Variants in CSMD1 observed in about 807,000 individuals in gnomAD.
CSMD1 encodes the protein CUB and sushi domain-containing protein 1.
CSMD1 carries 213 observed loss-of-function variants against 417.5 expected under a neutral mutation model. The ratio of observed to expected loss-of-function variants is 0.51; its 90% CI spans 0.46 to 0.57. CSMD1 has a LOEUF of 0.57. Ranked by LOEUF, CSMD1 falls within the 20% of genes least tolerant of loss-of-function variation. The pLI is 0.00. For synonymous variants in CSMD1, 2,862 were observed against 1,736.8 expected (o/e 1.65, Z -16.11); for missense variants, 6,923 against 4,529.7 (o/e 1.53, Z -15.17).
intron 12 of CSMD1, among the ~76,000 whole-genome samples, chr8:3,433,563 T>C (rs1473339577): frequency 6.6e-6 from 1 of 152,186 alleles, no homozygotes; most frequent in Non-Finnish European, 1.5e-5. Context: ...TAAATTATTT[T>C]CTCATTAAAG....
intron 3 of CSMD1, among the ~76,000 whole-genome samples, chr8:4,295,692 T>C (rs1424312057): frequency 1.4e-5 from 2 of 139,782 alleles, no homozygotes; most frequent in African/African-American, 5.1e-5. Flanking sequence ...ATACATGTTA[T>C]ATATGTTATA....
intron 7 of CSMD1, among the ~76,000 whole-genome samples, chr8:3,673,793 G>A (rs916728862): frequency 1.3e-5 from 2 of 152,114 alleles, no homozygotes; most frequent in Admixed American, 6.5e-5. Context: ...CCTACACTGT[G>A]GGCACTGGAG....
intron 15 of CSMD1, among the ~76,000 whole-genome samples, chr8:3,405,438 G>A (rs1210730922): frequency 1.3e-5 from 2 of 151,998 alleles, no homozygotes; most frequent in African/African-American, 4.8e-5. Flanking sequence ...TATTTATGTC[G>A]GCTGTAACAA....
chr8:4,954,316 G>A (rs527335557), intron 1 of CSMD1, among the ~76,000 whole-genome samples: 1 of 152,228 alleles, frequency 6.6e-6, no homozygotes, highest in African/African-American at 2.4e-5. Context: ...TTAAATAAAG[G>A]AAGCTTGTTA....
chr8:3,146,609 G>T (rs1436193624), intron 40 of CSMD1, among the ~76,000 whole-genome samples: 1 of 152,144 alleles, frequency 6.6e-6, no homozygotes, highest in Non-Finnish European at 1.5e-5. Flanking sequence ...AGCTTATGCT[G>T]CCAACTGCCT....
At chr8:4,630,751 G>A (rs1032656448) in intron 2 of CSMD1, among the ~76,000 whole-genome samples, 1 of 152,096 alleles carries the variant, frequency 6.6e-6, no homozygotes, top group Non-Finnish European at 1.5e-5. Flanking sequence ...TGTTGAACCA[G>A]GTTTCTAAGC....
intron 2 of CSMD1, among the ~76,000 whole-genome samples, chr8:4,450,295 G>A (rs976188856): frequency 6.6e-6 from 1 of 152,188 alleles, no homozygotes; most frequent in Non-Finnish European, 1.5e-5. Flanking sequence ...GCTGTGCACT[G>A]TTTGCTGCAA....
At chr8:3,176,369 C>G (rs1029877055) in intron 37 of CSMD1, among the ~76,000 whole-genome samples, 8 of 151,830 alleles carry the variant, frequency 5.3e-5, no homozygotes, top group Non-Finnish European at 1.0e-4. Flanking sequence ...TGATGAAATC[C>G]ATCACTATAT....
chr8:3,892,349 C>G (rs1199593038), intron 5 of CSMD1, among the ~76,000 whole-genome samples: 1 of 152,070 alleles, frequency 6.6e-6, no homozygotes, highest in Non-Finnish European at 1.5e-5. Context: ...TTCAAGAAGA[C>G]GTGTGGGGAA....
chr8:4,961,799 G>C (rs760584970), intron 1 of CSMD1, among the ~76,000 whole-genome samples: 2 of 151,826 alleles, frequency 1.3e-5, no homozygotes, highest in African/African-American at 2.4e-5. Flanking sequence ...TGTATTGTTT[G>C]ACAAATACTG....
At chr8:3,711,161 G>A (rs1801485361) in intron 6 of CSMD1, among the ~76,000 whole-genome samples, 2 of 152,182 alleles carry the variant, frequency 1.3e-5, no homozygotes, top group South Asian at 4.1e-4. Context: ...AGGGAGAAAC[G>A]AGAGACTGGA....
In CSMD1 at chr8:4,145,367, G is replaced by C. The variant is rs868153452; in HGVS notation, c.416-113268C>G. Among the ~76,000 whole-genome samples, 15 of 150,964 alleles carry C rather than the reference G, an allele frequency of 9.9e-5. 1 individual carries two copies. The highest frequency in any genetic ancestry group is 2.6e-4 in the Admixed American group (4 of 15,220). On this transcript the variant is annotated intron_variant, in intron 3 of 69. Coordinates refer to ENST00000635120, the MANE Select transcript of CSMD1 (RefSeq NM_033225.6). Reference sequence around the variant, plus strand: ...ATATGTCAGAAAGATCTGGAAAAATGTCCCAAACATTATATACTATAGTCT... The same window carrying C: ...ATATGTCAGAAAGATCTGGAAAAATCTCCCAAACATTATATACTATAGTCT...
At chr8:3,357,308 C>A (rs573499981) in intron 21 of CSMD1, among the ~76,000 whole-genome samples, 1 of 152,220 alleles carries the variant, frequency 6.6e-6, no homozygotes, top group Non-Finnish European at 1.5e-5. Context: ...GTCTTCCTAG[C>A]TCTGTGTCCT....
intron 3 of CSMD1, among the ~76,000 whole-genome samples, chr8:4,401,303 A>G (rs1333441013): frequency 2.0e-5 from 3 of 152,286 alleles, no homozygotes; most frequent in African/African-American, 7.2e-5. Context: ...CTTTTATAAT[A>G]TTTCTACAGG....
chr8:2,947,559 G>T (rs1162177969), intron 68 of CSMD1, among the ~76,000 whole-genome samples: 1 of 152,124 alleles, frequency 6.6e-6, no homozygotes, highest in Admixed American at 6.5e-5. Context: ...AGATTAAAAA[G>T]AAAAGGGGTA....
At chr8:3,231,000 A>T (rs982351516) in intron 26 of CSMD1, among the ~76,000 whole-genome samples, 8 of 152,136 alleles carry the variant, frequency 5.3e-5, no homozygotes, top group African/African-American at 1.9e-4. Context: ...TGTAAAGTGC[A>T]TTGCAAACGG....
intron 3 of CSMD1, among the ~76,000 whole-genome samples, chr8:4,240,525 T>C (rs1218870002): frequency 6.6e-6 from 1 of 152,194 alleles, no homozygotes; most frequent in Non-Finnish European, 1.5e-5. Flanking sequence ...GAAACTAACC[T>C]GATTGTGTAG....
intron 7 of CSMD1, among the ~76,000 whole-genome samples, chr8:3,643,700 C>CAAAAAAAAAAAAAAAAAAAAAAAAAAA: frequency 1.2e-5 from 1 of 85,334 alleles, no homozygotes; most frequent in East Asian, 4.2e-4. Flanking sequence ...GACTCCGTCT[C>CAAAAAAAAAAAAAAAAAAAAAAAAAAA]AAAAAAAAAA....
chr8:4,782,640 G>T (rs991167612), intron 1 of CSMD1, among the ~76,000 whole-genome samples: 1 of 152,016 alleles, frequency 6.6e-6, no homozygotes, highest in Non-Finnish European at 1.5e-5. Flanking sequence ...ATTTTTTACT[G>T]TATATTTTTG....
Sources: allele counts gnomAD v4.1 joint callset (sites outside exome capture counted in the v4.1 genomes callset), GRCh38; gene constraint gnomAD v4.1.1; transcripts MANE v1.5; gene names NCBI Gene and HGNC (gene_info 2026-07-23, HGNC 2026-07-21).